Variants in LEF1 observed in about 807,000 individuals in gnomAD.
The protein encoded by LEF1 is lymphoid enhancer-binding factor 1.
Under a neutral mutation model 51.2 loss-of-function variants are expected in LEF1, and 14 were observed. The ratio of observed to expected loss-of-function variants is 0.27; its 90% CI spans 0.18 to 0.43. LEF1 has a LOEUF of 0.43. Ranked by LOEUF, LEF1 falls within the 20% of genes least tolerant of loss-of-function variation. LEF1 has a pLI of 1.00. For missense variants in LEF1, 386 were observed against 512.0 expected, an observed-to-expected ratio of 0.75 and a Z score of 2.37; for synonymous variants, 185 against 183.2, an observed-to-expected ratio of 1.01 and a Z score of -0.08.
chr4:108,142,202 G>A (rs979913902), intron 3 of LEF1, among the ~76,000 whole-genome samples: 2 of 152,174 alleles, frequency 1.3e-5, no homozygotes, highest in African/African-American at 2.4e-5. Context: ...CCTGTCCCGC[G>A]CCCTTACCTG....
intron 11 of LEF1, among the ~76,000 whole-genome samples, chr4:108,062,959 G>A (rs1737796915): frequency 6.6e-6 from 1 of 152,054 alleles, no homozygotes; most frequent in Admixed American, 6.5e-5. Context: ...TGGGCTAGTG[G>A]TCATGTGGAA....
At chr4:108,099,939 A>C (rs1262980874) in intron 3 of LEF1, among the ~76,000 whole-genome samples, 1 of 152,018 alleles carries the variant, frequency 6.6e-6, no homozygotes, top group Non-Finnish European at 1.5e-5. Context: ...CAAATACCTA[A>C]CACACATTTT....
Position 108,066,798 on chromosome 4 carries a change from T to C in LEF1, c.1117-2414A>G, listed in dbSNP as rs139296833. Among the ~76,000 whole-genome samples the C allele has an allele frequency of 4.2e-3, 638 of 152,304 alleles. 6 individuals are homozygous for C. The highest frequency in any genetic ancestry group is 0.014 in the African/African-American group (601 of 41,574). ...ACGGACTGTATAATATTGGAAAGCA[T>C]TAAAAACTAAATTGAAAAGTTCTAA... On this transcript the variant is annotated intron_variant, in intron 9 of 11. Transcript: ENST00000265165.
At chr4:108,142,239 T>A (rs769644362) in intron 3 of LEF1, among the ~76,000 whole-genome samples, 7 of 152,174 alleles carry the variant, frequency 4.6e-5, no homozygotes, top group Non-Finnish European at 7.3e-5. Context: ...TTTAATCAAC[T>A]AAGCAGAGCA....
chr4:108,142,808 C>T (rs1322807453), intron 3 of LEF1, among the ~76,000 whole-genome samples: 3 of 152,244 alleles, frequency 2.0e-5, no homozygotes, highest in African/African-American at 4.8e-5. Context: ...TTTACATTCA[C>T]ATTGAAATGA....
At chr4:108,134,297 T>A (rs1278212536) in intron 3 of LEF1, among the ~76,000 whole-genome samples, 1 of 152,242 alleles carries the variant, frequency 6.6e-6, no homozygotes, top group Non-Finnish European at 1.5e-5. Context: ...CTAGCAGTCC[T>A]TCCACTATTG....
chr4:108,063,601 A>G lies in LEF1; in HGVS notation c.*6+22T>C, dbSNP rs142983047. Reference sequence around the variant, plus strand: ...TTTTATAACAACTAACGTCAGCAGTAGGACCAGAGAGTCGTTCTTACCATG... The same window carrying G: ...TTTTATAACAACTAACGTCAGCAGTGGGACCAGAGAGTCGTTCTTACCATG... On this transcript the variant is annotated intron_variant, in intron 11 of 11. Transcript: ENST00000265165. The G allele has an allele frequency of 5.2e-4, 823 of 1,580,620 alleles. 5 individuals carry two copies. In the Admixed American group the frequency reaches 7.6e-3, roughly 15 times the overall value.
At chr4:108,117,726 A>AGAGCAGGGAGGG (rs1227919493) in intron 3 of LEF1, among the ~76,000 whole-genome samples, 5 of 152,096 alleles carry the variant, frequency 3.3e-5, no homozygotes, top group African/African-American at 4.8e-5. Flanking sequence ...AGGGGGAGGA[A>AGAGCAGGGAGGG]GAGCAGGGAG....
Position 108,168,782 on chromosome 4 carries a change from T to G in LEF1, c.-1015A>C, listed in dbSNP as rs924960157. ...AAAGCAAAGAGCTGCGCCCCTTGAG[T>G]TCGCCCGGCCGAGGGGAGGGGACGC... On this transcript the variant is annotated 5_prime_UTR_variant, in exon 1 of 12. Transcript: ENST00000265165. This position sits in a 1 kb window ranked among gnomAD's most constrained non-coding sequence, Gnocchi z 4.6. 6.6e-6 allele frequency: 1 copy of G among 152,066 alleles called. No individual in the cohort carries two copies. The highest frequency in any genetic ancestry group is 2.4e-5 in the African/African-American group (1 of 41,406). The allele number at this position is 152,066 out of a possible 1,614,324, so 9.4% of individuals were successfully genotyped here. A position where few individuals can be genotyped will look rare whatever the true frequency, so the allele number is the denominator to read the frequency against.
intron 9 of LEF1, among the ~76,000 whole-genome samples, chr4:108,065,548 G>A (rs1226083205): frequency 6.6e-6 from 1 of 152,098 alleles, no homozygotes; most frequent in East Asian, 1.9e-4. Flanking sequence ...CGTTTCTCAG[G>A]GTCACTGATA....
At position 108,048,685 on chromosome 4, in the gene LEF1, A is replaced by G. The variant is rs1736778114; in HGVS notation, c.*73T>C. On this transcript the variant is annotated 3_prime_UTR_variant, in exon 12 of 12. Transcript: ENST00000265165. ...CAGTCTGGGTTTTCAACAAGCTTCC[A>G]TCTCCAGAAGAGGTCCTGGGGTCGC... The G allele has an allele frequency of 3.1e-6, 5 of 1,604,686 alleles. No homozygotes were observed. Among genetic ancestry groups the G allele is most frequent in the African/African-American group, 2.7e-5 (2 of 74,604 alleles).
rs1484503554 is a variant in LEF1 at position 108,109,542 on chromosome 4, T to C, written c.415-20285A>G. Among the ~76,000 whole-genome samples the C allele has an allele frequency of 3.3e-5, 5 of 152,210 alleles. No individual in the cohort carries two copies. The South Asian group carries it at 6.2e-4, about 19-fold the overall frequency. On this transcript the variant is annotated intron_variant, in intron 3 of 11. Transcript: ENST00000265165. ...ACAGAGTGACCCTTGAAGGACTGTA[T>C]GAGCAGGACATGCATTAATATTTGC...
At chr4:108,119,011 C>T (rs1578364780) in intron 3 of LEF1, among the ~76,000 whole-genome samples, 1 of 151,254 alleles carries the variant, frequency 6.6e-6, no homozygotes, top group East Asian at 1.9e-4. Context: ...CCGCACAGTA[C>T]ATGATTTGTG....
intron 9 of LEF1, 35 bp downstream of exon 9, chr4:108,070,628 G>T: frequency 7.4e-7 from 1 of 1,352,250 alleles, no homozygotes; most frequent in African/African-American, 1.4e-5. Flanking sequence ...GAATGAGTGA[G>T]AGTGGAGAGC....
At chr4:108,119,321 A>G (rs1270992418) in intron 3 of LEF1, among the ~76,000 whole-genome samples, 1 of 151,638 alleles carries the variant, frequency 6.6e-6, no homozygotes, top group African/African-American at 2.4e-5. Context: ...TCTATTCCTG[A>G]TCACCTTTAA....
intron 3 of LEF1, among the ~76,000 whole-genome samples, chr4:108,129,638 G>A (rs1742744535): frequency 6.6e-6 from 1 of 152,166 alleles, no homozygotes; most frequent in African/African-American, 2.4e-5. Context: ...TTGCCAGCAT[G>A]TTCCACTTCA....
chr4:108,154,420 C>T (rs947863982), intron 3 of LEF1, among the ~76,000 whole-genome samples: 1 of 101,410 alleles, frequency 9.9e-6, no homozygotes, highest in African/African-American at 3.9e-5. Flanking sequence ...GTGCCTCGCA[C>T]AGTATGTAGC....
At chr4:108,143,145 A>G (rs1743776599) in intron 3 of LEF1, among the ~76,000 whole-genome samples, 1 of 152,230 alleles carries the variant, frequency 6.6e-6, no homozygotes, top group Non-Finnish European at 1.5e-5. Context: ...ACCCAACTGT[A>G]AATTTTCTTT....
intron 3 of LEF1, among the ~76,000 whole-genome samples, chr4:108,126,168 A>G (rs1742513370): frequency 6.6e-6 from 1 of 152,202 alleles, no homozygotes; most frequent in Admixed American, 6.5e-5. Context: ...CAAAATACAC[A>G]TGAATAAGAA....
Sources: allele counts gnomAD v4.1 joint callset (sites outside exome capture counted in the v4.1 genomes callset), GRCh38; gene constraint gnomAD v4.1.1; non-coding constraint Gnocchi (gnomAD v3.1); transcripts MANE v1.5; gene names NCBI Gene and HGNC (gene_info 2026-07-23, HGNC 2026-07-21).